RPS6KA2: variants seen among roughly 807,000 people sequenced by gnomAD.
RPS6KA2 encodes the protein ribosomal protein S6 kinase alpha-2.
In RPS6KA2, 42 loss-of-function variants were observed where a neutral mutation model predicts 91.8. That is an observed-to-expected ratio of 0.46 (90% CI 0.36 to 0.59). The LOEUF (loss-of-function observed/expected upper bound fraction) is 0.59. Ranked by LOEUF, RPS6KA2 falls within the 20% of genes least tolerant of loss-of-function variation. The pLI, the probability that RPS6KA2 is intolerant of heterozygous loss-of-function variation, is 0.00. For missense variants in RPS6KA2, 798 were observed against 978.5 expected (o/e 0.82, Z 2.46); for synonymous variants, 414 against 393.6 (o/e 1.05, Z -0.61).
chr6:166,444,370 C>T (rs1367778704), intron 14 of RPS6KA2, among the ~76,000 whole-genome samples: 1 of 152,184 alleles, frequency 6.6e-6, no homozygotes, highest in Admixed American at 6.5e-5. Flanking sequence ...ACTTCATCGC[C>T]CACCACTAGT....
rs1165664984 is a variant in RPS6KA2, at chr6:166,612,974, C to G, written c.99+13947G>C. Among the ~76,000 whole-genome samples, 1 of 152,224 alleles carries G rather than the reference C, an allele frequency of 6.6e-6. No homozygotes were observed. The highest frequency in any genetic ancestry group is 1.5e-5 in the Non-Finnish European group (1 of 68,050). On this transcript the variant is annotated intron_variant, in intron 1 of 20. Transcript: ENST00000265678. This position sits in a 1 kb window ranked among gnomAD's most constrained non-coding sequence, Gnocchi z 4.3. ...ATTGTTTAAAAGACAGATGCTTGAG[C>G]AGTGTTTCCCGGACCTCCCAGAGAA...
intron 2 of RPS6KA2, among the ~76,000 whole-genome samples, chr6:166,535,645 G>A (rs1487186513): frequency 6.6e-6 from 1 of 152,186 alleles, no homozygotes; most frequent in Non-Finnish European, 1.5e-5. Flanking sequence ...CCCCGGGGTG[G>A]TTCCCACACC....
intron 2 of RPS6KA2, among the ~76,000 whole-genome samples, chr6:166,818,672 AT>A (rs1217695341): frequency 6.6e-6 from 1 of 152,146 alleles, no homozygotes; most frequent in Non-Finnish European, 1.5e-5. Context: ...GAAAACAGTG[AT>A]TTTATAATTC....
intron 2 of RPS6KA2, among the ~76,000 whole-genome samples, chr6:166,679,951 G>A (rs946985526): frequency 6.6e-6 from 1 of 152,256 alleles, no homozygotes; most frequent in Admixed American, 6.5e-5. Flanking sequence ...GGCAGTGCCA[G>A]TGAGAGGTGA....
chr6:166,438,586 CT>C (rs549116079), intron 14 of RPS6KA2, among the ~76,000 whole-genome samples: 335 of 152,362 alleles, frequency 2.2e-3, no homozygotes, highest in Non-Finnish European at 3.6e-3. Flanking sequence ...TCATGTGCTT[CT>C]TTCTAGGAAA....
intron 2 of RPS6KA2, among the ~76,000 whole-genome samples, chr6:166,809,284 G>C (rs1297722601): frequency 6.6e-6 from 1 of 152,184 alleles, no homozygotes; most frequent in African/African-American, 2.4e-5. Flanking sequence ...GTATACTTCT[G>C]TGACTTGAGA....
intron 2 of RPS6KA2, among the ~76,000 whole-genome samples, chr6:166,781,560 G>A (rs866455938): frequency 6.6e-6 from 1 of 152,066 alleles, no homozygotes; most frequent in African/African-American, 2.4e-5. Context: ...AGGACTGCAT[G>A]CATGCACCTA....
At position 166,737,658 on chromosome 6, in the gene RPS6KA2, G is replaced by T. The variant is rs1233359868; in HGVS notation, c.123+120542C>A. On this transcript the variant is annotated intron_variant, in intron 2 of 21. Coordinates refer to the RPS6KA2 transcript ENST00000503859. The surrounding 1 kb of genome is among the most constrained non-coding windows in gnomAD (Gnocchi z 4.3). ...TGAGGGGCCCCTCCCAGCTTTCCAG[G>T]CTAACGTCCGGATAATCCCCCCAGG... is the stretch of plus-strand genomic sequence containing the variant. Among the ~76,000 whole-genome samples, 1 of 152,096 alleles carries T rather than the reference G, an allele frequency of 6.6e-6. No individual in the cohort carries two copies. The highest frequency in any genetic ancestry group is 1.5e-5 in the Non-Finnish European group (1 of 68,022).
intron 2 of RPS6KA2, among the ~76,000 whole-genome samples, chr6:166,838,613 T>TAC (rs1238560458): frequency 6.6e-6 from 1 of 152,234 alleles, no homozygotes; most frequent in Non-Finnish European, 1.5e-5. Flanking sequence ...AAGTAAATGT[T>TAC]ACATTGTATT....
chr6:166,511,358 G>A (rs1782474807), intron 3 of RPS6KA2, among the ~76,000 whole-genome samples: 1 of 152,198 alleles, frequency 6.6e-6, no homozygotes, highest in Non-Finnish European at 1.5e-5. Context: ...TGGAAATCAA[G>A]AGGAAGATTC....
At chr6:166,812,492 C>T (rs1345572059) in intron 2 of RPS6KA2, among the ~76,000 whole-genome samples, 1 of 152,222 alleles carries the variant, frequency 6.6e-6, no homozygotes, top group Non-Finnish European at 1.5e-5. Flanking sequence ...TTCCCAGGGG[C>T]TGAGTGTGGG....
Position 166,715,632 on chromosome 6 carries a change from G to GCA in RPS6KA2, c.123+142566_123+142567dup, listed in dbSNP as rs201090421. 4.0e-3 allele frequency among the ~76,000 whole-genome samples: 605 copies of GCA among 152,300 alleles called. 14 individuals are homozygous for GCA. Among genetic ancestry groups the GCA allele is most frequent in the East Asian group, 0.028 (146 of 5,178 alleles). ...TGTGAGAACATGACAGAGTGCCCTG[G>GCA]CACACACCGAGGCTATCTGGTGTAG... On this transcript the variant is annotated intron_variant, in intron 2 of 21. Transcript: ENST00000503859.
At chr6:166,478,054 A>T (rs538286319) in intron 10 of RPS6KA2, among the ~76,000 whole-genome samples, 1 of 152,156 alleles carries the variant, frequency 6.6e-6, no homozygotes, top group Non-Finnish European at 1.5e-5. Flanking sequence ...TCCAATTCGC[A>T]TTTCCAGGGG....
intron 2 of RPS6KA2, among the ~76,000 whole-genome samples, chr6:166,796,044 T>C (rs575471831): frequency 5.3e-5 from 8 of 151,922 alleles, no homozygotes; most frequent in Middle Eastern, 3.4e-3. Flanking sequence ...TCTCAGAGCT[T>C]TTCTTATCTG....
intron 1 of RPS6KA2, among the ~76,000 whole-genome samples, chr6:166,552,500 G>A (rs971399878): frequency 1.3e-5 from 2 of 152,100 alleles, no homozygotes; most frequent in African/African-American, 4.8e-5. Context: ...ATATATAAGT[G>A]TTCAAGATCA....
chr6:166,659,721 G>A (rs970040138), intron 2 of RPS6KA2, among the ~76,000 whole-genome samples: 5 of 152,148 alleles, frequency 3.3e-5, no homozygotes, highest in African/African-American at 7.2e-5. Context: ...GGGAGCCAGC[G>A]CTGGACGGCG....
At chr6:166,675,937 G>A (rs116141989) in intron 2 of RPS6KA2, among the ~76,000 whole-genome samples, 321 of 152,232 alleles carry the variant, frequency 2.1e-3, no homozygotes, top group African/African-American at 6.9e-3. Context: ...TTTTCTCTGG[G>A]CAGGTAAGGA....
intron 2 of RPS6KA2, among the ~76,000 whole-genome samples, chr6:166,790,736 A>G (rs1457687365): frequency 2.0e-5 from 3 of 152,254 alleles, no homozygotes; most frequent in Admixed American, 1.3e-4. Context: ...AGAATTTTCA[A>G]TGCAGAATTT....
Position 166,528,998 on chromosome 6 carries a change from T to C in RPS6KA2, c.298+2234A>G, listed in dbSNP as rs572527015. On this transcript the variant is annotated intron_variant, in intron 3 of 20. Coordinates refer to ENST00000265678, the MANE Select transcript of RPS6KA2 (RefSeq NM_021135.6). The stretch of plus-strand genomic sequence containing the variant: ...GGACTGTAAACTAGTTTAACCATTG[T>C]GGAAGACAGTGTGGCGATTCCTCAA... Among the ~76,000 whole-genome samples, 15 of 152,356 alleles carry C rather than the reference T, an allele frequency of 9.8e-5. No homozygotes were observed. The South Asian group carries it at 2.9e-3, about 29-fold the overall frequency.
Sources: gnomAD v4.1 joint callset for allele counts (sites outside exome capture counted in the v4.1 genomes callset) on GRCh38, gnomAD v4.1.1 for gene constraint, Gnocchi (gnomAD v3.1) non-coding constraint, MANE v1.5 for transcripts, NCBI Gene and HGNC (gene_info 2026-07-23, HGNC 2026-07-21) for gene names.